The following MED27 variants were observed in gnomAD, a reference collection of about 807,000 sequenced individuals.
MED27 encodes mediator of RNA polymerase II transcription subunit 27.
A neutral mutation model predicts 38.2 loss-of-function variants in MED27; 30 were observed. The ratio of observed to expected loss-of-function variants is 0.79; its 90% CI spans 0.59 to 1.07. MED27 has a LOEUF of 1.07. Ranked by LOEUF, MED27 falls within the 50% of genes least tolerant of loss-of-function variation. The pLI is 0.00. For missense variants in MED27, 289 were observed against 397.5 expected, an observed-to-expected ratio of 0.73 and a Z score of 2.32; for synonymous variants, 122 against 153.5, an observed-to-expected ratio of 0.79 and a Z score of 1.52.
chr9:131,892,934 C>A (rs915640622), intron 5 of MED27, among the ~76,000 whole-genome samples: 1 of 152,222 alleles, frequency 6.6e-6, no homozygotes, highest in Non-Finnish European at 1.5e-5. Context: ...TTGCATCCCA[C>A]GTAGACAACA....
rs974078374 is a variant in MED27 at position 131,874,208 on chromosome 9, T to C, written c.723+9850A>G. Among the ~76,000 whole-genome samples, 13 of 152,188 alleles carry C rather than the reference T, an allele frequency of 8.5e-5. No homozygotes were observed. The East Asian group carries it at 2.3e-3, about 27-fold the overall frequency. Reference sequence around the variant, plus strand: ...GCTCAAGTGGCCCCTCTGCCTGGAATGTTCCTGTCAGGCTAAGCCCTTCTC... The same window carrying C: ...GCTCAAGTGGCCCCTCTGCCTGGAACGTTCCTGTCAGGCTAAGCCCTTCTC... On this transcript the variant is annotated intron_variant, in intron 6 of 7. Transcript: ENST00000292035.
chr9:132,035,482 C>T (rs918055508), intron 2 of MED27, among the ~76,000 whole-genome samples: 4 of 152,036 alleles, frequency 2.6e-5, no homozygotes, highest in African/African-American at 7.3e-5. Context: ...CCATGAAAAA[C>T]GCACAGGGAA....
intron 6 of MED27, among the ~76,000 whole-genome samples, chr9:131,871,084 G>GCATC (rs1304119199): frequency 1.3e-5 from 2 of 152,062 alleles, no homozygotes; most frequent in East Asian, 3.9e-4. Flanking sequence ...GATTCAGTGT[G>GCATC]CATCCCACTG....
At chr9:131,983,368 G>A (rs1392598678) in intron 3 of MED27, among the ~76,000 whole-genome samples, 2 of 152,142 alleles carry the variant, frequency 1.3e-5, no homozygotes, top group Non-Finnish European at 2.9e-5. Context: ...CTTTAATGAT[G>A]GCTAACCTGC....
chr9:132,018,210 A>C (rs1170185956), intron 2 of MED27, among the ~76,000 whole-genome samples: 1 of 152,224 alleles, frequency 6.6e-6, no homozygotes, highest in African/African-American at 2.4e-5. Flanking sequence ...TGTCCCTACA[A>C]CATTAATACA....
chr9:131,894,049 G>A (rs1829779408), intron 4 of MED27, 57 bp from the exon 5 acceptor site: 2 of 1,414,612 alleles, frequency 1.4e-6, no homozygotes, highest in East Asian at 4.6e-5. Flanking sequence ...AAGTTGGGCA[G>A]GGGTGTGAGA....
chr9:131,930,591 G>A (rs1197526560), intron 4 of MED27, among the ~76,000 whole-genome samples: 1 of 152,174 alleles, frequency 6.6e-6, no homozygotes, highest in African/African-American at 2.4e-5. Flanking sequence ...CATCACACCA[G>A]ACCTTTCCTA....
intron 3 of MED27, among the ~76,000 whole-genome samples, chr9:132,000,301 G>A (rs537975262): frequency 2.0e-5 from 3 of 152,060 alleles, no homozygotes; most frequent in Admixed American, 2.0e-4. Context: ...ACCACAATGA[G>A]ATACCACTGC....
At chr9:131,992,852 T>G (rs943106844) in intron 3 of MED27, among the ~76,000 whole-genome samples, 1 of 152,152 alleles carries the variant, frequency 6.6e-6, no homozygotes, top group African/African-American at 2.4e-5. Context: ...CTACTGCCAC[T>G]CTAAACAACA....
chr9:132,045,345 T>G (rs1057344657), intron 2 of MED27, among the ~76,000 whole-genome samples: 3 of 151,948 alleles, frequency 2.0e-5, no homozygotes, highest in Admixed American at 6.6e-5. Context: ...ATGGTGTACA[T>G]ACATATGATT....
At chr9:131,880,531 AG>A (rs1308916347) in intron 6 of MED27, among the ~76,000 whole-genome samples, 1 of 152,246 alleles carries the variant, frequency 6.6e-6, no homozygotes, top group East Asian at 1.9e-4. Context: ...GCGATGATAA[AG>A]GAATCTCAGA....
intron 2 of MED27, among the ~76,000 whole-genome samples, chr9:132,060,277 G>A (rs564603522): frequency 2.1e-4 from 32 of 152,210 alleles, no homozygotes; most frequent in Admixed American, 1.8e-3. Context: ...ATGCAGACAC[G>A]TCACCACTGG....
At chr9:131,921,320 T>C (rs1830388010) in intron 4 of MED27, among the ~76,000 whole-genome samples, 1 of 152,194 alleles carries the variant, frequency 6.6e-6, no homozygotes, top group East Asian at 1.9e-4. Context: ...TTAGCATCCA[T>C]TGATGATTCT....
At chr9:131,901,443 C>A (rs1279009144) in intron 4 of MED27, among the ~76,000 whole-genome samples, 2 of 152,150 alleles carry the variant, frequency 1.3e-5, no homozygotes, top group Non-Finnish European at 2.9e-5. Context: ...TGGCTCCTAC[C>A]TTAAAGAAGG....
intron 2 of MED27, among the ~76,000 whole-genome samples, chr9:132,033,770 T>G (rs1833013503): frequency 6.6e-6 from 1 of 152,250 alleles, no homozygotes; most frequent in African/African-American, 2.4e-5. Context: ...CAGATTCTAT[T>G]TCGCATAAAG....
At chr9:132,041,624 C>A (rs185246623) in intron 2 of MED27, among the ~76,000 whole-genome samples, 1 of 152,214 alleles carries the variant, frequency 6.6e-6, no homozygotes, top group East Asian at 1.9e-4. Context: ...TGACAAAGCT[C>A]GACTGAAAGA....
intron 3 of MED27, among the ~76,000 whole-genome samples, chr9:131,981,679 T>C (rs1326399805): frequency 1.3e-5 from 2 of 152,192 alleles, no homozygotes; most frequent in East Asian, 3.8e-4. Context: ...GTCAACACAA[T>C]TGCAGAGCAA....
At chr9:131,936,941 C>T (rs1305301004) in intron 4 of MED27, among the ~76,000 whole-genome samples, 2 of 152,206 alleles carry the variant, frequency 1.3e-5, no homozygotes, top group Admixed American at 6.5e-5. Context: ...CCTGCTTCAA[C>T]GGCCTCTTAA....
chr9:132,015,155 T>C (rs532037882), intron 2 of MED27, among the ~76,000 whole-genome samples: 2 of 152,334 alleles, frequency 1.3e-5, no homozygotes, highest in African/African-American at 4.8e-5. Flanking sequence ...TTTCAATGGT[T>C]AAATTACAAA....
Sources: gnomAD v4.1 joint callset for allele counts (sites outside exome capture counted in the v4.1 genomes callset) on GRCh38, gnomAD v4.1.1 for gene constraint, MANE v1.5 for transcripts, NCBI Gene and HGNC (gene_info 2026-07-23, HGNC 2026-07-21) for gene names.